Variants in CHST11 observed in about 807,000 individuals in gnomAD.
The protein encoded by CHST11 is C4S-1.
Under a neutral mutation model 30.4 loss-of-function variants are expected in CHST11, and 9 were observed. The observed-to-expected ratio is 0.30, with a 90% confidence interval of 0.18 to 0.52. CHST11 has a LOEUF of 0.52. CHST11 is among the 20% of genes least tolerant of loss of function. The pLI, the probability that CHST11 is intolerant of heterozygous loss-of-function variation, is 0.97. For synonymous variants in CHST11, 152 were observed against 187.8 expected, an observed-to-expected ratio of 0.81 and a Z score of 1.56; for missense variants, 348 against 460.6, an observed-to-expected ratio of 0.76 and a Z score of 2.24.
chr12:104,578,061 C>T (rs558902865), intron 1 of CHST11, among the ~76,000 whole-genome samples: 22 of 152,088 alleles, frequency 1.4e-4, no homozygotes, highest in South Asian at 4.2e-4. Flanking sequence ...AACTTCACAG[C>T]GGTAGAAGGG....
Position 104,665,046 on chromosome 12 carries a change from A to C in CHST11, c.204+63055A>C, listed in dbSNP as rs142687657. The stretch of plus-strand genomic sequence containing the variant: ...TGAGTGCCTCACCTTGTGCTAGCAG[A>C]CTCAGGGGGTAACTCCATAAACTTT... On this transcript the variant is annotated intron_variant, in intron 2 of 2. Transcript: ENST00000303694. 4.4e-3 allele frequency among the ~76,000 whole-genome samples: 666 copies of C among 152,292 alleles called. 3 individuals carry two copies. Among genetic ancestry groups the C allele is most frequent in the Non-Finnish European group, 7.6e-3 (520 of 68,012 alleles).
At chr12:104,512,255 C>G (rs906062168) in intron 1 of CHST11, among the ~76,000 whole-genome samples, 1 of 152,098 alleles carries the variant, frequency 6.6e-6, no homozygotes, top group African/African-American at 2.4e-5. Flanking sequence ...CAGTAATTTT[C>G]TGGTATGATT....
chr12:104,672,235 G>A (rs1026623658), intron 2 of CHST11, among the ~76,000 whole-genome samples: 18 of 144,616 alleles, frequency 1.2e-4, no homozygotes, highest in African/African-American at 3.9e-4. Flanking sequence ...GTGTGGGAGA[G>A]AGGGGATTGT....
chr12:104,573,678 T>C (rs1009394941), intron 1 of CHST11, among the ~76,000 whole-genome samples: 5 of 152,298 alleles, frequency 3.3e-5, no homozygotes, highest in African/African-American at 9.6e-5. Flanking sequence ...TAAAACTGGA[T>C]CCCTTCCTTA....
chr12:104,488,560 T>C (rs1297185931), intron 1 of CHST11, among the ~76,000 whole-genome samples: 1 of 136,702 alleles, frequency 7.3e-6, no homozygotes, highest in Non-Finnish European at 1.6e-5. Context: ...TGTATGTGTG[T>C]GTATGCGTGT....
At chr12:104,687,021 A>G (rs144463952) in intron 2 of CHST11, among the ~76,000 whole-genome samples, 210 of 152,296 alleles carry the variant, frequency 1.4e-3, no homozygotes, top group African/African-American at 4.9e-3. Flanking sequence ...CTCTACAGGG[A>G]TTGGTTTGAG....
intron 2 of CHST11, among the ~76,000 whole-genome samples, chr12:104,664,191 G>A (rs779697559): frequency 1.3e-5 from 2 of 152,134 alleles, no homozygotes; most frequent in Non-Finnish European, 2.9e-5. Context: ...AATACTCAGG[G>A]AGACCACGAG....
chr12:104,630,216 G>A (rs1345013588), intron 2 of CHST11, among the ~76,000 whole-genome samples: 1 of 152,288 alleles, frequency 6.6e-6, no homozygotes, highest in South Asian at 2.1e-4. Flanking sequence ...TATTGTACAG[G>A]ACATGTATAC....
chr12:104,609,160 A>G (rs920681629), intron 2 of CHST11, among the ~76,000 whole-genome samples: 4 of 152,234 alleles, frequency 2.6e-5, no homozygotes, highest in Non-Finnish European at 4.4e-5. Flanking sequence ...ACTCTGGTCA[A>G]TTAATCCCTT....
At chr12:104,707,972 G>A (rs764736710) in intron 2 of CHST11, among the ~76,000 whole-genome samples, 1 of 152,024 alleles carries the variant, frequency 6.6e-6, no homozygotes, top group Non-Finnish European at 1.5e-5. Context: ...ATGCTCACAA[G>A]CATGCATGTG....
At chr12:104,737,256 A>C (rs1280080453) in intron 2 of CHST11, among the ~76,000 whole-genome samples, 1 of 152,228 alleles carries the variant, frequency 6.6e-6, no homozygotes, top group African/African-American at 2.4e-5. Context: ...GGAATGACTG[A>C]GGTCACACGG....
At chr12:104,582,390 G>A (rs939069703) in intron 1 of CHST11, among the ~76,000 whole-genome samples, 1 of 152,192 alleles carries the variant, frequency 6.6e-6, no homozygotes, top group East Asian at 1.9e-4. Flanking sequence ...TCATGTGTGT[G>A]TGCGTGTGTT....
intron 2 of CHST11, among the ~76,000 whole-genome samples, chr12:104,606,752 TG>T: frequency 6.6e-6 from 1 of 152,288 alleles, no homozygotes; most frequent in Non-Finnish European, 1.5e-5. Flanking sequence ...ACTTCTGGAA[TG>T]GCATGGAATG....
intron 1 of CHST11, chr12:104,514,291 C>T (rs538454788): frequency 5.4e-5 from 47 of 878,158 alleles, no homozygotes; most frequent in South Asian, 2.7e-4. Context: ...GGCATTGGAG[C>T]GGTGTTTGGC....
At chr12:104,708,249 C>G (rs1032783308) in intron 2 of CHST11, among the ~76,000 whole-genome samples, 2 of 152,198 alleles carry the variant, frequency 1.3e-5, no homozygotes, top group African/African-American at 4.8e-5. Context: ...GACTGAGTGA[C>G]CTTGGTCAGG....
intron 2 of CHST11, among the ~76,000 whole-genome samples, chr12:104,710,769 T>C (rs939875986): frequency 6.6e-6 from 1 of 152,206 alleles, no homozygotes; most frequent in Non-Finnish European, 1.5e-5. Flanking sequence ...ATTTAACACA[T>C]GGGAGGACAT....
At chr12:104,705,539 A>G (rs2040024810) in intron 2 of CHST11, among the ~76,000 whole-genome samples, 2 of 152,114 alleles carry the variant, frequency 1.3e-5, no homozygotes, top group Admixed American at 1.3e-4. Flanking sequence ...TGGTGCTCAC[A>G]CTCTAGATGG....
intron 2 of CHST11, among the ~76,000 whole-genome samples, chr12:104,733,279 G>A (rs1433115333): frequency 1.3e-5 from 2 of 152,226 alleles, no homozygotes; most frequent in African/African-American, 2.4e-5. Context: ...GATCCCACAG[G>A]GAAAAGACCT....
intron 2 of CHST11, among the ~76,000 whole-genome samples, chr12:104,702,511 A>C (rs2039997370): frequency 6.6e-6 from 1 of 151,750 alleles, no homozygotes; most frequent in South Asian, 2.1e-4. Flanking sequence ...CTGATTCCTC[A>C]CGGTGGTCCT....
Sources: gnomAD v4.1 joint callset for allele counts (sites outside exome capture counted in the v4.1 genomes callset) on GRCh38, gnomAD v4.1.1 for gene constraint, MANE v1.5 for transcripts, NCBI Gene and HGNC (gene_info 2026-07-23, HGNC 2026-07-21) for gene names.